TENM3: variants seen among roughly 807,000 people sequenced by gnomAD.
The protein encoded by TENM3 is teneurin transmembrane protein 3, also known as teneurin-3.
TENM3 carries 63 observed loss-of-function variants against 255.1 expected under a neutral mutation model. The observed-to-expected ratio is 0.25, with a 90% CI of 0.20 to 0.30. The LOEUF is 0.30. Among genes scored for constraint, TENM3 ranks in the 10% least tolerant of loss-of-function variants. TENM3 has a pLI of 1.00. For missense variants in TENM3, 2,929 were observed against 3,461.1 expected (o/e 0.85, Z 3.86); for synonymous variants, 1,306 against 1,322.3 (o/e 0.99, Z 0.27).
chr4:181,502,037 G>A, the TENM3 span, among the ~76,000 whole-genome samples: 1 of 152,154 alleles, frequency 6.6e-6, no homozygotes, highest in Non-Finnish European at 1.5e-5. Context: ...AAGAAGGTGG[G>A]ATTTCCAGGC....
At position 182,587,693 on chromosome 4, in the gene TENM3, G is replaced by A. The variant is rs547162612; in HGVS notation, c.512-13231G>A. On this transcript the variant is annotated intron_variant, in intron 3 of 27. Coordinates refer to ENST00000511685, the MANE Select transcript of TENM3 (RefSeq NM_001080477.4). ...GCCAAAGTTCTGGGATTACTGATAC[G>A]GGCCACTACACCTGGCCTGGTTTTC... Among the ~76,000 whole-genome samples the A allele has an allele frequency of 4.1e-4, 62 of 152,152 alleles. No homozygotes were observed. In the South Asian group the frequency reaches 0.012, roughly 29 times the overall value.
At chr4:181,884,122 T>G in the TENM3 span, among the ~76,000 whole-genome samples, 1 of 152,126 alleles carries the variant, frequency 6.6e-6, no homozygotes, top group African/African-American at 2.4e-5. Flanking sequence ...ACTGATAAGT[T>G]TATCTGGCAA....
chr4:181,626,146 T>C, the TENM3 span, among the ~76,000 whole-genome samples: 1 of 152,082 alleles, frequency 6.6e-6, no homozygotes, highest in African/African-American at 2.4e-5. Flanking sequence ...ATTGGGTAAA[T>C]TGAAGGATCA....
At chr4:182,516,005 A>G (rs1483289979) in intron 3 of TENM3, among the ~76,000 whole-genome samples, 1 of 152,242 alleles carries the variant, frequency 6.6e-6, no homozygotes, top group Non-Finnish European at 1.5e-5. Flanking sequence ...TTTATTGTTG[A>G]GTCCAGGAGA....
At chr4:181,489,653 G>A in the TENM3 span, among the ~76,000 whole-genome samples, 4 of 152,120 alleles carry the variant, frequency 2.6e-5, no homozygotes, top group Admixed American at 6.6e-5. Flanking sequence ...AGATATATGT[G>A]TACATGCATG....
At chr4:181,901,036 C>T in the TENM3 span, among the ~76,000 whole-genome samples, 1 of 152,062 alleles carries the variant, frequency 6.6e-6, no homozygotes, top group Admixed American at 6.6e-5. Context: ...GAGAGGAAAC[C>T]AATGATGCTG....
the TENM3 span, among the ~76,000 whole-genome samples, chr4:182,047,871 T>A: frequency 6.6e-6 from 1 of 152,134 alleles, no homozygotes; most frequent in Non-Finnish European, 1.5e-5. Flanking sequence ...GAGATACAGT[T>A]TTCCACAGCT....
At chr4:181,564,227 T>C in the TENM3 span, among the ~76,000 whole-genome samples, 2 of 152,122 alleles carry the variant, frequency 1.3e-5, no homozygotes, top group Non-Finnish European at 2.9e-5. Context: ...GGTTCCACCA[T>C]GTTGTCCAGG....
At chr4:181,711,703 G>A in the TENM3 span, among the ~76,000 whole-genome samples, 1 of 152,130 alleles carries the variant, frequency 6.6e-6, no homozygotes, top group African/African-American at 2.4e-5. Context: ...CGTTTCCTTA[G>A]AAGGCAATAT....
chr4:182,234,775 G>T lies in TENM3; in HGVS notation c.-75-89171G>T, dbSNP rs138567169. Reference sequence around the variant, plus strand: ...AAAAAAAATGAAAGAAAACACAGTCGTTATTCTCAAGAATGTGAGTGAGAC... The same window carrying T: ...AAAAAAAATGAAAGAAAACACAGTCTTTATTCTCAAGAATGTGAGTGAGAC... On this transcript the variant is annotated intron_variant, in intron 1 of 2. Transcript: ENST00000512480. Among the ~76,000 whole-genome samples, 64 of 152,158 alleles carry T rather than the reference G, an allele frequency of 4.2e-4. 1 individual carries two copies. Among genetic ancestry groups the T allele is most frequent in the African/African-American group, 1.4e-3 (59 of 41,532 alleles).
chr4:182,699,756 A>C (rs1757703161), intron 12 of TENM3, among the ~76,000 whole-genome samples: 1 of 152,192 alleles, frequency 6.6e-6, no homozygotes, highest in Admixed American at 6.5e-5. Context: ...GTTTCATTAC[A>C]AACTTGACAT....
At chr4:182,462,735 A>T (rs1057311048) in intron 3 of TENM3, among the ~76,000 whole-genome samples, 1 of 151,802 alleles carries the variant, frequency 6.6e-6, no homozygotes, top group African/African-American at 2.4e-5. Context: ...AAAAATACAA[A>T]AATTAGCTGG....
chr4:182,314,050 T>C (rs760025111), intron 1 of TENM3, among the ~76,000 whole-genome samples: 15 of 152,190 alleles, frequency 9.9e-5, no homozygotes, highest in African/African-American at 1.2e-4. Context: ...TGGTGGCTCA[T>C]GCCTGTAATC....
At chr4:181,777,222 G>C in the TENM3 span, among the ~76,000 whole-genome samples, 1 of 151,948 alleles carries the variant, frequency 6.6e-6, no homozygotes, top group African/African-American at 2.4e-5. Flanking sequence ...TTGGCTAGAA[G>C]TATGTGGGTT....
intron 26 of TENM3, 85 bp from the exon 27 acceptor site, chr4:182,796,552 G>A: frequency 7.9e-7 from 1 of 1,265,566 alleles, no homozygotes; most frequent in Non-Finnish European, 1.1e-6. Flanking sequence ...TGTGAAATTG[G>A]ATTTTCTTTT....
the TENM3 span, among the ~76,000 whole-genome samples, chr4:181,456,538 A>G: frequency 2.6e-5 from 4 of 151,974 alleles, no homozygotes; most frequent in East Asian, 1.9e-4. Context: ...ACTCTAAGCT[A>G]GTATCTCTAT....
upstream of TENM3, chr4:182,141,499 C>T (rs1749423876): frequency 6.6e-6 from 1 of 151,990 alleles, no homozygotes; most frequent in Non-Finnish European, 1.5e-5. Context: ...GTGTGAGAGA[C>T]AGAGAGAGAC....
intron 3 of TENM3, among the ~76,000 whole-genome samples, chr4:182,493,362 T>C (rs1416217210): frequency 6.6e-6 from 1 of 152,182 alleles, no homozygotes; most frequent in African/African-American, 2.4e-5. Context: ...TAAATTGTTA[T>C]CCTTTTTAGA....
chr4:182,624,333 A>G (rs1321056506), intron 4 of TENM3, among the ~76,000 whole-genome samples: 2 of 152,174 alleles, frequency 1.3e-5, no homozygotes, highest in Non-Finnish European at 2.9e-5. Context: ...AAGGTAAGGG[A>G]CTACGTCGTT....
Sources: allele counts gnomAD v4.1 joint callset (sites outside exome capture counted in the v4.1 genomes callset), GRCh38; gene constraint gnomAD v4.1.1; transcripts MANE v1.5; gene names NCBI Gene and HGNC (gene_info 2026-07-23, HGNC 2026-07-21).